Variants in SCRN1 observed in about 807,000 individuals in gnomAD.
SCRN1 encodes the protein secernin 1.
In SCRN1, 19 loss-of-function variants were observed where a neutral mutation model predicts 43.3. The ratio of observed to expected loss-of-function variants is 0.44; its 90% CI spans 0.31 to 0.64. The LOEUF is 0.64. Among genes scored for constraint, SCRN1 ranks in the 30% least tolerant of loss-of-function variants. The pLI is 0.09. For missense variants in SCRN1, 447 were observed against 524.1 expected, an observed-to-expected ratio of 0.85 and a Z score of 1.44; for synonymous variants, 183 against 188.9, an observed-to-expected ratio of 0.97 and a Z score of 0.26.
intron 4 of SCRN1, among the ~76,000 whole-genome samples, chr7:29,941,434 CT>C (rs1428853701): frequency 1.3e-5 from 2 of 152,134 alleles, no homozygotes; most frequent in East Asian, 1.9e-4. Flanking sequence ...CTTCATTCAA[CT>C]TTTTTTTCAG....
At chr7:29,939,085 T>G (rs1343562084) in intron 5 of SCRN1, among the ~76,000 whole-genome samples, 1 of 152,218 alleles carries the variant, frequency 6.6e-6, no homozygotes, top group Non-Finnish European at 1.5e-5. Context: ...AAAAAAATTT[T>G]GATTTTTTAA....
chr7:29,982,845 C>CT (rs1789031684), intron 1 of SCRN1, among the ~76,000 whole-genome samples: 1 of 147,002 alleles, frequency 6.8e-6, no homozygotes, highest in Non-Finnish European at 1.5e-5. Flanking sequence ...AGTGTCTCTT[C>CT]ATTTTTTTTT....
rs1345084340 is a variant in SCRN1 at position 29,965,282 on chromosome 7, C to T, written c.159+3627G>A. On this transcript the variant is annotated intron_variant, in intron 2 of 7. Coordinates refer to ENST00000242059, the MANE Select transcript of SCRN1 (RefSeq NM_014766.5). The surrounding 1 kb of genome is among the most constrained non-coding windows in gnomAD (Gnocchi z 4.2). ...ACTTTTCAGCAAGGGAGTGGTAGAGCTATCTATGTTCTGGGAAGAAAATTC... is the reference window on the plus strand; with the variant it reads ...ACTTTTCAGCAAGGGAGTGGTAGAGTTATCTATGTTCTGGGAAGAAAATTC... 1.3e-5 allele frequency among the ~76,000 whole-genome samples: 2 copies of T among 151,984 alleles called. No homozygotes were observed. The highest frequency in any genetic ancestry group is 2.9e-5 in the Non-Finnish European group (2 of 68,022).
chr7:29,969,138 A>T, intron 1 of SCRN1, 70 bp from the exon 2 acceptor site: 1 of 1,531,542 alleles, frequency 6.5e-7, no homozygotes, highest in East Asian at 2.4e-5. Flanking sequence ...AGTTCTTCAA[A>T]CATATTTCAC....
chr7:29,971,331 T>C (rs1251125550), intron 1 of SCRN1, among the ~76,000 whole-genome samples: 1 of 152,120 alleles, frequency 6.6e-6, no homozygotes, highest in African/African-American at 2.4e-5. Flanking sequence ...GATGCATAAG[T>C]ATAGGATACT....
intron 3 of SCRN1, among the ~76,000 whole-genome samples, chr7:29,945,194 G>C (rs1787695647): frequency 6.6e-6 from 1 of 152,136 alleles, no homozygotes; most frequent in Non-Finnish European, 1.5e-5. Flanking sequence ...TCTCCCCCTA[G>C]CCTTTCCAAT....
intron 1 of SCRN1, among the ~76,000 whole-genome samples, chr7:29,974,177 T>G (rs557055932): frequency 6.6e-6 from 1 of 152,352 alleles, no homozygotes; most frequent in Non-Finnish European, 1.5e-5. Context: ...CAGAAATGAT[T>G]TTTAAAGTAA....
At chr7:29,943,224 G>T (rs1025834399) in intron 4 of SCRN1, among the ~76,000 whole-genome samples, 3 of 152,126 alleles carry the variant, frequency 2.0e-5, no homozygotes, top group African/African-American at 7.2e-5. Context: ...CAGTCCCAAG[G>T]AGCTGCTCGG....
In SCRN1 at chr7:29,940,686, T is replaced by A. The variant is rs1787508590; in HGVS notation, c.735A>T (p.Gln245His). 4 of 1,594,492 alleles carry A rather than the reference T, an allele frequency of 2.5e-6. No homozygotes were observed. The highest frequency in any genetic ancestry group is 2.3e-5 in the South Asian group (2 of 87,146). ...CGAGKDSLEK[Q>H]EESITVQTMM... Reference sequence around the variant, plus strand: ...GTGAGGGAGAGACTAACTCACCTTCTTGTTTTTCTAAGCTGTCTTTGCCAG... The same window carrying A: ...GTGAGGGAGAGACTAACTCACCTTCATGTTTTTCTAAGCTGTCTTTGCCAG... The change falls in exon 5 of 8, where the codon CAA becomes CAT. Residue 245 changes from glutamine (Q) to histidine (H), a missense_variant. Coordinates refer to ENST00000242059, the MANE Select transcript of SCRN1 (RefSeq NM_014766.5).
intron 1 of SCRN1, among the ~76,000 whole-genome samples, chr7:29,987,366 T>TGAA (rs1358577371): frequency 6.6e-6 from 1 of 152,242 alleles, no homozygotes; most frequent in Non-Finnish European, 1.5e-5. Context: ...ATAGGCTTGT[T>TGAA]ATTTACTTTT....
At chr7:29,984,334 A>C (rs550104537) in intron 1 of SCRN1, among the ~76,000 whole-genome samples, 1 of 152,052 alleles carries the variant, frequency 6.6e-6, no homozygotes, top group Non-Finnish European at 1.5e-5. Context: ...ATATGGATAA[A>C]TTTTTTAAAT....
Position 29,950,850 on chromosome 7 carries a change from T to A in SCRN1, c.341+4329A>T, listed in dbSNP as rs941479621. Among the ~76,000 whole-genome samples the A allele has an allele frequency of 2.0e-5, 3 of 152,240 alleles. No individual in the cohort carries two copies. Among genetic ancestry groups the A allele is most frequent in the Non-Finnish European group, 4.4e-5 (3 of 68,034 alleles). Reference sequence around the variant, plus strand: ...ATGGAGCTACCCACTTTGGGTCCCCTGAGAGCTGTTCTGTCACTCAATGAA... The same window carrying A: ...ATGGAGCTACCCACTTTGGGTCCCCAGAGAGCTGTTCTGTCACTCAATGAA... On this transcript the variant is annotated intron_variant, in intron 3 of 7. Coordinates refer to ENST00000242059, the MANE Select transcript of SCRN1 (RefSeq NM_014766.5). The surrounding 1 kb of genome is among the most constrained non-coding windows in gnomAD (Gnocchi z 4.5).
At chr7:29,949,614 C>A (rs1287829889) in intron 3 of SCRN1, among the ~76,000 whole-genome samples, 1 of 132,276 alleles carries the variant, frequency 7.6e-6, no homozygotes, top group African/African-American at 2.9e-5. Flanking sequence ...TGGGCTCAAG[C>A]AATCCTCCTG....
chr7:29,936,611 G>T lies in SCRN1; in HGVS notation c.850C>A (p.Gln284Lys). 6.2e-7 allele frequency: 1 copy of T among 1,606,830 alleles called. No homozygotes were observed. The highest frequency in any genetic ancestry group is 8.5e-7 in the Non-Finnish European group (1 of 1,174,376). Residue 284 changes from glutamine (Q) to lysine (K), a missense_variant, in exon 6 of 8, where the codon CAG becomes AAG. Transcript: ENST00000242059. ...TGAATGCACGGAGAGCTTCTATTCT[G>T]CGGCAGGACAGACACTCCACTGGCT... is the stretch of plus-strand genomic sequence containing the variant. ...TTASGVSVLP[Q>K]NRSSPCIHYF... is the part of the protein sequence containing the mutation.
In SCRN1 at chr7:29,966,159, CAGAGAG is replaced by C. The variant is rs58247318; in HGVS notation, c.159+2744_159+2749del. Among the ~76,000 whole-genome samples the C allele has an allele frequency of 4.9e-3, 410 of 84,464 alleles. 2 individuals carry two copies. The highest frequency in any genetic ancestry group is 0.014 in the East Asian group (42 of 2,902). 55.4% of individuals were successfully genotyped at this position (84,464 alleles called of 152,430 possible). On this transcript the variant is annotated intron_variant, in intron 2 of 7. Transcript: ENST00000242059. Reference sequence around the variant, plus strand: ...AGACAGAGAGAGAGAGACCGAGAGACAGAGAGAGAGAGAGAGAGAGAGAGAGAGAGA... The same window carrying C: ...AGACAGAGAGAGAGAGACCGAGAGACAGAGAGAGAGAGAGAGAGAGAGAGA...
intron 5 of SCRN1, among the ~76,000 whole-genome samples, chr7:29,939,047 C>T (rs190863777): frequency 6.6e-6 from 1 of 152,094 alleles, no homozygotes; most frequent in Non-Finnish European, 1.5e-5. Context: ...TATTTAATAT[C>T]TTTCACCAAG....
chr7:29,972,524 A>T (rs561461143), intron 1 of SCRN1, among the ~76,000 whole-genome samples: 1 of 152,346 alleles, frequency 6.6e-6, no homozygotes, highest in East Asian at 1.9e-4. Flanking sequence ...ACAGAAGCCC[A>T]GGGGTATGTG....
Position 29,955,352 on chromosome 7 carries a change from G to T in SCRN1, c.168C>A (p.Tyr56Ter). 5 of 1,612,992 alleles carry T rather than the reference G, an allele frequency of 3.1e-6. No individual in the cohort carries two copies. Among genetic ancestry groups the T allele is most frequent in the Non-Finnish European group, 4.2e-6 (5 of 1,179,666 alleles). ...HEPESKVECT[Y>*]ISIDQVPRTY... ...TCCTTGGAACTTGGTCGATTGAAAT[G>T]TAAGTGCACTGAAAAACAAACACAG... The change falls in exon 3 of 8, where the codon TAC (tyrosine) becomes TAA (stop). Residue 56 changes from tyrosine (Y) to a stop codon, truncating the protein, a stop_gained. Transcript: ENST00000242059. LOFTEE classifies it high-confidence loss of function.
chr7:29,955,345 T>C lies in SCRN1; in HGVS notation c.175A>G (p.Ile59Val), dbSNP rs746055124. 2.2e-5 allele frequency: 35 copies of C among 1,613,574 alleles called. No individual in the cohort carries two copies. The highest frequency in any genetic ancestry group is 1.7e-4 in the Admixed American group (10 of 59,890). ...GCATAGGTCCTTGGAACTTGGTCGA[T>C]TGAAATGTAAGTGCACTGAAAAACA... Reference protein sequence around the residue: ...ESKVECTYISIDQVPRTYAIM... With the variant: ...ESKVECTYISVDQVPRTYAIM... Residue 59 changes from isoleucine (I) to valine (V), a missense_variant, in exon 3 of 8, where the codon ATC becomes GTC. By Grantham distance (29) the Ile-to-Val change is conservative. Coordinates refer to ENST00000242059, the MANE Select transcript of SCRN1 (RefSeq NM_014766.5).
Sources: allele counts gnomAD v4.1 joint callset (sites outside exome capture counted in the v4.1 genomes callset), GRCh38; gene constraint gnomAD v4.1.1; non-coding constraint Gnocchi (gnomAD v3.1); transcripts MANE v1.5; gene names NCBI Gene and HGNC (gene_info 2026-07-23, HGNC 2026-07-21).